MTMR2: variants seen among roughly 807,000 people sequenced by gnomAD.
The protein encoded by MTMR2 is phosphatidylinositol-3,5-bisphosphate 3-phosphatase MTMR2.
In MTMR2, 55 loss-of-function variants were observed where a neutral mutation model predicts 86.9. The ratio of observed to expected loss-of-function variants is 0.63; its 90% CI spans 0.51 to 0.79. The LOEUF (loss-of-function observed/expected upper bound fraction) is 0.79, where lower values mean the gene tolerates loss of function less well. MTMR2 is among the 30% of genes least tolerant of loss of function. The pLI, the probability that MTMR2 is intolerant of heterozygous loss-of-function variation, is 0.00. For synonymous variants in MTMR2, 241 were observed against 266.8 expected (o/e 0.90, Z 0.94); for missense variants, 659 against 772.3 (o/e 0.85, Z 1.74).
chr11:95,894,499 A>G (rs953750462), intron 1 of MTMR2, among the ~76,000 whole-genome samples: 1 of 152,228 alleles, frequency 6.6e-6, no homozygotes, highest in African/African-American at 2.4e-5. Context: ...AAATAAAATT[A>G]TAACGGCAAA....
chr11:95,851,413 G>C (rs1016220905), intron 7 of MTMR2, among the ~76,000 whole-genome samples: 1 of 151,744 alleles, frequency 6.6e-6, no homozygotes, highest in Non-Finnish European at 1.5e-5. Flanking sequence ...GCCCAGGCTG[G>C]AGTGCAATGG....
At chr11:95,862,917 T>C (rs898133296) in intron 3 of MTMR2, among the ~76,000 whole-genome samples, 2 of 152,084 alleles carry the variant, frequency 1.3e-5, no homozygotes, top group African/African-American at 4.8e-5. Flanking sequence ...CTTAGAAAAA[T>C]AACAGTATAA....
intron 12 of MTMR2, among the ~76,000 whole-genome samples, chr11:95,839,091 GA>G (rs1207782701): frequency 6.6e-6 from 1 of 151,858 alleles, no homozygotes; most frequent in Non-Finnish European, 1.5e-5. Flanking sequence ...TATAGTGGAG[GA>G]AAATAGTATA....
At position 95,847,903 on chromosome 11, in the gene MTMR2, G is replaced by C. The variant is rs1565350133; in HGVS notation, c.994-4C>G. 1 of 1,612,020 alleles carries C rather than the reference G, an allele frequency of 6.2e-7. No homozygotes were observed. The highest frequency in any genetic ancestry group is 1.7e-5 in the Admixed American group (1 of 59,942). ...TTTCATAACCTCCACCCTTTGCCTG[G>C]AAAAAAGCACACATCATGGAAAATC... is the stretch of plus-strand genomic sequence containing the variant. On this transcript the variant is annotated splice_polypyrimidine_tract_variant and splice_region_variant and intron_variant, in intron 9 of 14. Coordinates refer to ENST00000346299, the MANE Select transcript of MTMR2 (RefSeq NM_016156.6).
At chr11:95,837,388 A>G (rs1477286192) in intron 13 of MTMR2, among the ~76,000 whole-genome samples, 1 of 152,110 alleles carries the variant, frequency 6.6e-6, no homozygotes, top group Non-Finnish European at 1.5e-5. Context: ...GCTTTATAAA[A>G]TAAAACATAA....
chr11:95,850,588 C>A lies in MTMR2; in HGVS notation c.804+12G>T, dbSNP rs767405323. The stretch of plus-strand genomic sequence containing the variant: ...AAGCACTTGCAAAGGCTCATCCAAA[C>A]TTCCTACTTACTGGGATACGGCCTC... On this transcript the variant is annotated intron_variant, in intron 8 of 14. Coordinates refer to ENST00000346299, the MANE Select transcript of MTMR2 (RefSeq NM_016156.6). The A allele has an allele frequency of 6.2e-7, 1 of 1,613,928 alleles. No homozygotes were observed. The highest frequency in any genetic ancestry group is 8.5e-7 in the Non-Finnish European group (1 of 1,179,954).
intron 1 of MTMR2, among the ~76,000 whole-genome samples, chr11:95,920,071 A>G (rs1866858094): frequency 6.6e-6 from 1 of 152,186 alleles, no homozygotes; most frequent in African/African-American, 2.4e-5. Context: ...GTATTATTTT[A>G]CCTATATCTT....
chr11:95,904,742 A>T (rs1866193489), intron 1 of MTMR2, among the ~76,000 whole-genome samples: 1 of 152,194 alleles, frequency 6.6e-6, no homozygotes, highest in Admixed American at 6.5e-5. Flanking sequence ...TGGAGTAGGT[A>T]GCTATTCTTT....
intron 2 of MTMR2, among the ~76,000 whole-genome samples, chr11:95,876,040 T>C (rs1017736492): frequency 2.6e-5 from 4 of 152,200 alleles, no homozygotes; most frequent in Admixed American, 2.6e-4. Context: ...TAGGCTACTC[T>C]GGGGTCAGAG....
chr11:95,835,382 G>C lies in MTMR2; in HGVS notation c.1840C>G (p.Leu614Val). 6.2e-7 allele frequency: 1 copy of C among 1,613,170 alleles called. No homozygotes were observed. The highest frequency in any genetic ancestry group is 8.5e-7 in the Non-Finnish European group (1 of 1,179,372). Residue 614 changes from leucine to valine, a missense_variant, in exon 15 of 15, where the codon CTA (leucine) becomes GTA (valine). Physicochemically the swap from Leu to Val is conservative, Grantham distance 32. This residue lies in a region of MTMR2 where 193 missense variants were observed against 191.6 expected (regional missense o/e 1.01). Transcript: ENST00000346299. ...RAELQKKVEE[L>V]QREISNRSTS... ...GATCGGTTAGAAATCTCTCTCTGTA[G>C]TTCCTCTACTTTTTTCTGAAGCTCT...
chr11:95,849,428 A>G (rs1200144747), intron 9 of MTMR2, among the ~76,000 whole-genome samples: 2 of 152,186 alleles, frequency 1.3e-5, no homozygotes, highest in Non-Finnish European at 2.9e-5. Context: ...ATTATTTTTT[A>G]TTAAATGATT....
chr11:95,869,057 T>A (rs1864749745), intron 2 of MTMR2, among the ~76,000 whole-genome samples: 1 of 152,022 alleles, frequency 6.6e-6, no homozygotes, highest in South Asian at 2.1e-4. Context: ...CAAAACCTTA[T>A]GTTTCATATC....
chr11:95,857,916 G>T (rs1240219272), intron 6 of MTMR2, among the ~76,000 whole-genome samples: 1 of 151,932 alleles, frequency 6.6e-6, no homozygotes, highest in East Asian at 1.9e-4. Flanking sequence ...AGCCTTTGTA[G>T]GTTTACTTTC....
intron 2 of MTMR2, among the ~76,000 whole-genome samples, chr11:95,881,040 T>A (rs1202247354): frequency 6.6e-6 from 1 of 152,116 alleles, no homozygotes; most frequent in Non-Finnish European, 1.5e-5. Context: ...TGTCATATAT[T>A]TTCTTCTAAA....
At chr11:95,915,290 C>T (rs1288263532) in intron 1 of MTMR2, among the ~76,000 whole-genome samples, 1 of 152,102 alleles carries the variant, frequency 6.6e-6, no homozygotes, top group Admixed American at 6.6e-5. Flanking sequence ...ACAAGGCCTC[C>T]TCCCTACCTC....
At chr11:95,884,545 C>T (rs1865449305) in intron 2 of MTMR2, among the ~76,000 whole-genome samples, 2 of 152,138 alleles carry the variant, frequency 1.3e-5, no homozygotes, top group Non-Finnish European at 2.9e-5. Context: ...TTCTGACTGT[C>T]AGGTTTCTCA....
intron 1 of MTMR2, among the ~76,000 whole-genome samples, chr11:95,907,072 TG>T (rs891579005): frequency 2.2e-4 from 33 of 151,864 alleles, no homozygotes; most frequent in African/African-American, 8.0e-4. Flanking sequence ...TCAAGGAAAG[TG>T]GAAGTTGGTT....
In MTMR2 at chr11:95,838,155, T is replaced by C. The variant is rs920704287; in HGVS notation, c.1532A>G (p.His511Arg). ...NEYFLITILD[H>R]LYSCLFGTFL... ...TGTTCCGAATAAGCAGCTGTATAGG[T>C]GGTCCAAAATGGTAATGAGAAAATA... Residue 511 changes from histidine (H) to arginine (R), a missense_variant, in exon 13 of 15, where the codon CAC (histidine) becomes CGC (arginine). Physicochemically the swap from His to Arg is conservative, Grantham distance 29. Around this residue, in one of 3 missense-constraint regions of MTMR2, gnomAD observed 193 missense variants for 191.6 expected, o/e 1.01. Coordinates refer to ENST00000346299, the MANE Select transcript of MTMR2 (RefSeq NM_016156.6). 2 of 1,611,656 alleles carry C rather than the reference T, an allele frequency of 1.2e-6. No homozygotes were observed. Among genetic ancestry groups the C allele is most frequent in the Non-Finnish European group, 1.7e-6 (2 of 1,178,038 alleles).
At chr11:95,905,621 C>T (rs1866246358) in intron 1 of MTMR2, among the ~76,000 whole-genome samples, 1 of 152,108 alleles carries the variant, frequency 6.6e-6, no homozygotes, top group African/African-American at 2.4e-5. Flanking sequence ...TTAATTCATA[C>T]CTATTAAAAA....
Sources: gnomAD v4.1 joint callset for allele counts (sites outside exome capture counted in the v4.1 genomes callset) on GRCh38, gnomAD v4.1.1 for gene constraint, gnomAD v4.1.1 regional missense constraint, MANE v1.5 for transcripts, NCBI Gene and HGNC (gene_info 2026-07-23, HGNC 2026-07-21) for gene names.